Variants in SYNPR observed in about 807,000 individuals in gnomAD.
SYNPR encodes synaptoporin.
SYNPR carries 23 observed loss-of-function variants against 32.9 expected under a neutral mutation model. The observed-to-expected ratio is 0.70, with a 90% CI of 0.50 to 0.99. The LOEUF (loss-of-function observed/expected upper bound fraction) is 0.99, where lower values mean the gene tolerates loss of function less well. SYNPR is among the 50% of genes least tolerant of loss of function. SYNPR has a pLI of 0.00. For synonymous variants in SYNPR, 146 were observed against 135.9 expected (o/e 1.07, Z -0.52); for missense variants, 318 against 349.3 (o/e 0.91, Z 0.71).
Position 63,326,087 on chromosome 3 carries a change from T to G in SYNPR, c.84+47345T>G, listed in dbSNP as rs1406506435. Among the ~76,000 whole-genome samples the G allele has an allele frequency of 2.6e-5, 4 of 151,866 alleles. No homozygotes were observed. The East Asian group carries it at 7.8e-4, about 30-fold the overall frequency. ...CTTGAATGAGGATGAGGTGGGAGAA[T>G]AAAAGAAGAAATTGGTTGACAATTC... On this transcript the variant is annotated intron_variant, in intron 2 of 5. Coordinates refer to ENST00000478300, the MANE Select transcript of SYNPR (RefSeq NM_001130003.2).
intron 4 of SYNPR, among the ~76,000 whole-genome samples, chr3:63,576,418 T>G (rs1172943524): frequency 6.6e-6 from 1 of 152,132 alleles, no homozygotes; most frequent in East Asian, 1.9e-4. Flanking sequence ...GGAATGACTT[T>G]CCAAGTTTTT....
At chr3:63,328,529 T>A (rs1482824219) in intron 2 of SYNPR, among the ~76,000 whole-genome samples, 1 of 152,196 alleles carries the variant, frequency 6.6e-6, no homozygotes, top group African/African-American at 2.4e-5. Context: ...CACAATCATG[T>A]GTTTTGTAAA....
chr3:63,544,263 T>C (rs900299157), intron 3 of SYNPR, among the ~76,000 whole-genome samples: 1 of 152,118 alleles, frequency 6.6e-6, no homozygotes, highest in African/African-American at 2.4e-5. Context: ...AGGGTACTTT[T>C]CCTATCCCCA....
intron 2 of SYNPR, among the ~76,000 whole-genome samples, chr3:63,476,064 G>A (rs568474423): frequency 6.9e-6 from 1 of 145,890 alleles, no homozygotes; most frequent in South Asian, 2.3e-4. Context: ...AGAGAGAGAG[G>A]AAGGAAGGAA....
intron 4 of SYNPR, among the ~76,000 whole-genome samples, chr3:63,591,403 C>A (rs1405702316): frequency 7.9e-6 from 1 of 127,098 alleles, no homozygotes; most frequent in Admixed American, 7.4e-5. Flanking sequence ...TGTGGCGATT[C>A]CTCAGGGATC....
At position 63,490,048 on chromosome 3, in the gene SYNPR, G is replaced by A. The variant is rs74742083; in HGVS notation, c.209+9092G>A. Among the ~76,000 whole-genome samples, 164 of 152,290 alleles carry A rather than the reference G, an allele frequency of 1.1e-3. 1 individual carries two copies. The highest frequency in any genetic ancestry group is 3.6e-3 in the African/African-American group (149 of 41,572). ...GAAATTAGGAAGGTTAAGGGATAAAGAGAGAAGCTGTACTATTTTAGATCA... is the reference window on the plus strand; with the variant it reads ...GAAATTAGGAAGGTTAAGGGATAAAAAGAGAAGCTGTACTATTTTAGATCA... On this transcript the variant is annotated intron_variant, in intron 3 of 5. Transcript: ENST00000478300.
intron 3 of SYNPR, among the ~76,000 whole-genome samples, chr3:63,498,588 G>A (rs894128369): frequency 6.6e-6 from 1 of 152,056 alleles, no homozygotes; most frequent in African/African-American, 2.4e-5. Context: ...AAAGATGAAC[G>A]ATTGCAAAGA....
At chr3:63,210,430 C>T in the SYNPR span, among the ~76,000 whole-genome samples, 2 of 152,236 alleles carry the variant, frequency 1.3e-5, no homozygotes, top group African/African-American at 4.8e-5. Flanking sequence ...TGATTTTACA[C>T]AGGACTCTCC....
chr3:63,612,172 G>C (rs1700208138), intron 5 of SYNPR, among the ~76,000 whole-genome samples: 1 of 152,116 alleles, frequency 6.6e-6, no homozygotes, highest in East Asian at 1.9e-4. Context: ...GTAAAGTGGG[G>C]ATAATTGTAC....
chr3:63,457,257 C>A (rs1300866566), intron 2 of SYNPR, among the ~76,000 whole-genome samples: 2 of 152,126 alleles, frequency 1.3e-5, no homozygotes, highest in Non-Finnish European at 2.9e-5. Flanking sequence ...ACTCTGACTA[C>A]CCCTCCCACA....
intron 4 of SYNPR, among the ~76,000 whole-genome samples, chr3:63,576,772 C>CAG (rs754877622): frequency 5.6e-4 from 75 of 133,914 alleles, no homozygotes; most frequent in Non-Finnish European, 1.0e-3. Flanking sequence ...GCCTGGGCAA[C>CAG]AGAGCAAGAA....
intron 2 of SYNPR, among the ~76,000 whole-genome samples, chr3:63,256,349 CG>C (rs1308631334): frequency 6.6e-6 from 1 of 152,066 alleles, no homozygotes; most frequent in African/African-American, 2.4e-5. Flanking sequence ...CTCACATGGC[CG>C]GGTACTCCTC....
intron 3 of SYNPR, among the ~76,000 whole-genome samples, chr3:63,484,470 T>G (rs750223456): frequency 6.6e-6 from 1 of 152,140 alleles, no homozygotes; most frequent in Non-Finnish European, 1.5e-5. Context: ...AGTAACCTTT[T>G]GAACTTATAC....
chr3:63,315,225 T>C (rs1385003416), intron 2 of SYNPR, among the ~76,000 whole-genome samples: 1 of 152,096 alleles, frequency 6.6e-6, no homozygotes, highest in Non-Finnish European at 1.5e-5. Flanking sequence ...TGAGCTCTTT[T>C]TTGGTTCCAT....
chr3:63,432,231 C>T (rs1700008973), intron 2 of SYNPR, among the ~76,000 whole-genome samples: 1 of 152,080 alleles, frequency 6.6e-6, no homozygotes, highest in African/African-American at 2.4e-5. Flanking sequence ...TCTCAATTCC[C>T]CACTCTCTTT....
At chr3:63,469,523 G>C (rs1289537770) in intron 2 of SYNPR, among the ~76,000 whole-genome samples, 4 of 152,154 alleles carry the variant, frequency 2.6e-5, no homozygotes, top group Non-Finnish European at 5.9e-5. Context: ...CACTACCATA[G>C]GCAAGAAATT....
chr3:63,247,045 C>T (rs1419793722), intron 1 of SYNPR, among the ~76,000 whole-genome samples: 1 of 151,898 alleles, frequency 6.6e-6, no homozygotes, highest in African/African-American at 2.4e-5. Context: ...ACTACACATC[C>T]TGCACATGTA....
At chr3:63,203,136 A>G in the SYNPR span, 2 of 143,498 alleles carry the variant, frequency 1.4e-5, no homozygotes, top group Non-Finnish European at 3.0e-5. Context: ...GTTTTTAAAA[A>G]CAAGCATCTA....
Position 63,481,240 on chromosome 3 carries a change from G to A in SYNPR, c.209+284G>A, listed in dbSNP as rs59558554. ...GAGGGAAAAAGAAAGGGAGATTGGA[G>A]AAGTAATTTTAAAATACGATCAAAT... On this transcript the variant is annotated intron_variant, in intron 3 of 5. Coordinates refer to ENST00000478300, the MANE Select transcript of SYNPR (RefSeq NM_001130003.2). 9.5e-3 allele frequency among the ~76,000 whole-genome samples: 1,443 copies of A among 152,206 alleles called. 24 individuals carry two copies. Among genetic ancestry groups the A allele is most frequent in the African/African-American group, 0.033 (1,355 of 41,544 alleles).
Sources: gnomAD v4.1 joint callset for allele counts (sites outside exome capture counted in the v4.1 genomes callset) on GRCh38, gnomAD v4.1.1 for gene constraint, MANE v1.5 for transcripts, NCBI Gene and HGNC (gene_info 2026-07-23, HGNC 2026-07-21) for gene names.